SH2D3C: variants seen among roughly 807,000 people sequenced by gnomAD.
The protein encoded by SH2D3C is SH2 domain-containing protein 3C.
In SH2D3C, 25 loss-of-function variants were observed where a neutral mutation model predicts 75.2. The ratio of observed to expected loss-of-function variants is 0.33; its 90% confidence interval spans 0.24 to 0.46. The LOEUF (loss-of-function observed/expected upper bound fraction) is 0.46, where lower values mean the gene tolerates loss of function less well. Among genes scored for constraint, SH2D3C ranks in the 20% least tolerant of loss-of-function variants. The pLI is 1.00. For missense variants in SH2D3C, 933 were observed against 1,165.3 expected (o/e 0.80, Z 2.90); for synonymous variants, 450 against 473.7 (o/e 0.95, Z 0.65).
chr9:127,749,337 C>T lies in SH2D3C; in HGVS notation c.1013G>A (p.Ser338Asn). The change falls in exon 5 of 12, where the codon AGT becomes AAT. Residue 338 changes from serine to asparagine, a missense_variant. Physicochemically the swap from Ser to Asn is conservative, Grantham distance 46. Transcript: ENST00000314830. The surrounding 1 kb of genome is among the most constrained non-coding windows in gnomAD (Gnocchi z 5.9). The stretch of plus-strand genomic sequence containing the variant: ...GCTGACGGGGCTAGCAGGCTTGCTA[C>T]TCCCCTGTCCCAGGCCATAGCTGGC... ...LEASYGLGQG[S>N]SKPASPVSPS... 2 of 1,613,082 alleles carry T rather than the reference C, an allele frequency of 1.2e-6. No homozygotes were observed. Among genetic ancestry groups the T allele is most frequent in the South Asian group, 1.1e-5 (1 of 91,076 alleles).
Position 127,738,497 on chromosome 9 carries a change from A to C in SH2D3C, c.*249T>G. The C allele has an allele frequency of 8.3e-6, 3 of 359,534 alleles. No individual in the cohort carries two copies. Among genetic ancestry groups the C allele is most frequent in the Non-Finnish European group, 1.5e-5 (3 of 198,054 alleles). 22.3% of individuals were successfully genotyped at this position (359,534 alleles called of 1,614,324 possible). On this transcript the variant is annotated 3_prime_UTR_variant, in exon 12 of 12. Transcript: ENST00000314830. The surrounding 1 kb of genome is among the most constrained non-coding windows in gnomAD (Gnocchi z 5.0). ...TCGAAAACAGGGAACCCCAGCAGGA[A>C]GGGGAGCAGCAAAAGCTGGTGGGGG... is the stretch of plus-strand genomic sequence containing the variant.
In SH2D3C at chr9:127,778,661, G is replaced by A. The variant is rs73612166; in HGVS notation, c.-34C>T. On this transcript the variant is annotated 5_prime_UTR_variant, in exon 1 of 12. Coordinates refer to ENST00000314830, the MANE Select transcript of SH2D3C (RefSeq NM_170600.3). ...ATTGTGTGAAGCCCTTGGCCAGCTT[G>A]CGAGTGGCCACTCAAGGCTCGGGAC... The A allele has an allele frequency of 3.1e-3, 4,947 of 1,597,728 alleles. 134 individuals are homozygous for A. The African/African-American group carries it at 0.057, about 18-fold the overall frequency.
intron 3 of SH2D3C, among the ~76,000 whole-genome samples, chr9:127,759,705 C>T (rs1437985834): frequency 6.6e-6 from 1 of 151,186 alleles, no homozygotes; most frequent in Non-Finnish European, 1.5e-5. Flanking sequence ...GTTTTTTGGC[C>T]GGGCGTGGTG....
chr9:127,764,590 C>T (rs569360936), intron 2 of SH2D3C, among the ~76,000 whole-genome samples: 12 of 152,316 alleles, frequency 7.9e-5, no homozygotes, highest in Admixed American at 2.0e-4. Context: ...CCCTCACCTG[C>T]GCTGCTCCAT....
intron 2 of SH2D3C, among the ~76,000 whole-genome samples, chr9:127,768,511 A>G (rs1012969525): frequency 6.6e-6 from 1 of 152,020 alleles, no homozygotes; most frequent in African/African-American, 2.4e-5. Flanking sequence ...GATCCTCCTA[A>G]AAGTTCGAGG....
intron 3 of SH2D3C, among the ~76,000 whole-genome samples, chr9:127,757,645 G>GATGATGATGATTATTATTATTATT (rs749540385): frequency 8.2e-6 from 1 of 121,514 alleles, no homozygotes; most frequent in African/African-American, 3.1e-5. Flanking sequence ...TGATGATGAT[G>GATGATGATGATTATTATTATTATT]ATTATTATTA....
rs948887368 is a variant in SH2D3C at position 127,774,294 on chromosome 9, T to C, written c.211A>G (p.Ser71Gly). ...GTGCCCATGTGGCTGTACATGTCAC[T>C]GGAGCGGGCATAGGCTGGGGGACTC... ...PKSPPAYARS[S>G]DMYSHMGTMP... The change falls in exon 2 of 12, where the codon AGT (serine) becomes GGT (glycine). Residue 71 changes from serine (S) to glycine (G), a missense_variant. Physicochemically the swap from Ser to Gly is moderately conservative, Grantham distance 56 (BLOSUM62 0). Coordinates refer to ENST00000314830, the MANE Select transcript of SH2D3C (RefSeq NM_170600.3). This position sits in a 1 kb window ranked among gnomAD's most constrained non-coding sequence, Gnocchi z 4.3. The C allele has an allele frequency of 4.3e-6, 7 of 1,614,090 alleles. No individual in the cohort carries two copies. The Admixed American group carries it at 1.0e-4, about 23-fold the overall frequency.
rs767180121 is a variant in SH2D3C at position 127,744,853 on chromosome 9, C to A, written c.1511G>T (p.Gly504Val). Residue 504 changes from glycine to valine, a missense_variant, in exon 7 of 12, where the codon GGC becomes GTC. By Grantham distance (109) the Gly-to-Val change is moderately radical. Coordinates refer to ENST00000314830, the MANE Select transcript of SH2D3C (RefSeq NM_170600.3). Reference protein sequence around the residue: ...HYCQLQPPVRGSREWAATETS... With the variant: ...HYCQLQPPVRVSREWAATETS... Reference sequence around the variant, plus strand: ...CTCAGTCGCTGCCCACTCTCGGCTGCCACGCACGGGAGGCTGGAGCTGGCA... The same window carrying A: ...CTCAGTCGCTGCCCACTCTCGGCTGACACGCACGGGAGGCTGGAGCTGGCA... 58 of 1,613,988 alleles carry A rather than the reference C, an allele frequency of 3.6e-5. No individual in the cohort carries two copies. Among genetic ancestry groups the A allele is most frequent in the Non-Finnish European group, 4.7e-5 (55 of 1,180,012 alleles).
intron 2 of SH2D3C, among the ~76,000 whole-genome samples, chr9:127,765,894 A>T (rs1187066301): frequency 6.6e-6 from 1 of 152,250 alleles, no homozygotes; most frequent in Non-Finnish European, 1.5e-5. Flanking sequence ...GAGCTAAATC[A>T]GTCCCATTAA....
At chr9:127,766,041 C>T (rs1845627543) in intron 2 of SH2D3C, among the ~76,000 whole-genome samples, 1 of 152,190 alleles carries the variant, frequency 6.6e-6, no homozygotes, top group African/African-American at 2.4e-5. Flanking sequence ...AGCCCATTAT[C>T]CTTATTTTCC....
In SH2D3C at chr9:127,739,919, G is replaced by C; in HGVS notation, c.2201-31C>G. 1.3e-6 allele frequency: 2 copies of C among 1,487,050 alleles called. No homozygotes were observed. The highest frequency in any genetic ancestry group is 2.7e-5 in the South Asian group (2 of 74,894). 92.1% of individuals were successfully genotyped at this position (1,487,050 alleles called of 1,614,324 possible). ...AGGAGAAAGGCAGCAGGCGCTTAAA[G>C]ATCCTGTAGTGCCCCACCATCCACT... is the stretch of plus-strand genomic sequence containing the variant. On this transcript the variant is annotated intron_variant, in intron 10 of 11. Transcript: ENST00000314830. The surrounding 1 kb of genome is among the most constrained non-coding windows in gnomAD (Gnocchi z 4.3).
chr9:127,763,774 C>A (rs1564422744), intron 2 of SH2D3C, among the ~76,000 whole-genome samples: 1 of 152,158 alleles, frequency 6.6e-6, no homozygotes, highest in Non-Finnish European at 1.5e-5. Context: ...AGTCCTAAAG[C>A]CAAAAGCTCC....
At chr9:127,741,670 A>T in intron 9 of SH2D3C, 118 bp downstream of exon 9, 1 of 1,289,910 alleles carries the variant, frequency 7.8e-7, no homozygotes, top group Non-Finnish European at 1.0e-6. Context: ...GGGTAGTCTC[A>T]CCAATTCTGC....
intron 8 of SH2D3C, among the ~76,000 whole-genome samples, chr9:127,742,348 T>C (rs949189428): frequency 6.6e-6 from 1 of 152,240 alleles, no homozygotes; most frequent in Non-Finnish European, 1.5e-5. Context: ...GCGATTCTTC[T>C]GCCTCAGCCT....
rs141197552 is a variant in SH2D3C, at chr9:127,750,092, T to C, written c.685-427A>G. Among the ~76,000 whole-genome samples the C allele has an allele frequency of 8.1e-3, 1,227 of 152,162 alleles. 26 individuals carry two copies. The highest frequency in any genetic ancestry group is 0.027 in the Admixed American group (414 of 15,270). Reference sequence around the variant, plus strand: ...TCTGGCCCTTGCACCCTCAAGCTGCTTTTTTGTCCTGGAACACCCTTCCTG... The same window carrying C: ...TCTGGCCCTTGCACCCTCAAGCTGCCTTTTTGTCCTGGAACACCCTTCCTG... On this transcript the variant is annotated intron_variant, in intron 4 of 11. Coordinates refer to ENST00000314830, the MANE Select transcript of SH2D3C (RefSeq NM_170600.3).
intron 6 of SH2D3C, among the ~76,000 whole-genome samples, chr9:127,745,331 G>A (rs1482730303): frequency 6.6e-6 from 1 of 152,102 alleles, no homozygotes; most frequent in African/African-American, 2.4e-5. Flanking sequence ...CCCACCCTGA[G>A]GCTGCTGCAG....
intron 2 of SH2D3C, among the ~76,000 whole-genome samples, chr9:127,772,297 G>A (rs1018402970): frequency 2.1e-5 from 3 of 143,510 alleles, no homozygotes; most frequent in Non-Finnish European, 3.0e-5. Flanking sequence ...GCTGGAGTGT[G>A]CAATGGCGCG....
chr9:127,770,757 G>C (rs1845717616), intron 2 of SH2D3C, among the ~76,000 whole-genome samples: 1 of 152,210 alleles, frequency 6.6e-6, no homozygotes, highest in South Asian at 2.1e-4. Flanking sequence ...CTGTCCACAG[G>C]GGAAGAAGGC....
chr9:127,744,060 A>G (rs1195721061), intron 7 of SH2D3C, among the ~76,000 whole-genome samples: 1 of 143,026 alleles, frequency 7.0e-6, no homozygotes, highest in Non-Finnish European at 1.5e-5. Context: ...GGAAGCAAGG[A>G]TATCTTATGT....
Sources: gnomAD v4.1 joint callset for allele counts (sites outside exome capture counted in the v4.1 genomes callset) on GRCh38, gnomAD v4.1.1 for gene constraint, Gnocchi (gnomAD v3.1) non-coding constraint, MANE v1.5 for transcripts, NCBI Gene and HGNC (gene_info 2026-07-23, HGNC 2026-07-21) for gene names.